Variants in SCN10A observed in about 807,000 individuals in gnomAD.
The protein encoded by SCN10A is sodium voltage-gated channel alpha subunit 10.
A neutral mutation model predicts 170.7 loss-of-function variants in SCN10A; 162 were observed. The ratio of observed to expected loss-of-function variants is 0.95; its 90% CI spans 0.84 to 1.08. The LOEUF (loss-of-function observed/expected upper bound fraction) is 1.08. SCN10A is among the 50% of genes least tolerant of loss of function. SCN10A has a pLI of 0.00. For synonymous variants in SCN10A, 985 were observed against 904.6 expected (o/e 1.09, Z -1.59); for missense variants, 2,527 against 2,436.9 (o/e 1.04, Z -0.78).
intron 1 of SCN10A, among the ~76,000 whole-genome samples, chr3:38,814,431 G>A (rs755408989): frequency 5.9e-5 from 9 of 152,146 alleles, no homozygotes; most frequent in Admixed American, 2.0e-4. Flanking sequence ...GGTCTTAAGA[G>A]CCTTCTTGAC....
In SCN10A at chr3:38,726,851, C is replaced by G. The variant is rs145694222; in HGVS notation, c.2842G>C (p.Val948Leu). The change falls in exon 17 of 28, where the codon GTG (valine) becomes CTG (leucine). Residue 948 changes from valine (V) to leucine (L), a missense_variant. Coordinates refer to ENST00000449082, the MANE Select transcript of SCN10A (RefSeq NM_006514.4). ...FPQPKAEPELVVKLPLSSSKA... is the reference protein window; with the variant it reads ...FPQPKAEPELLVKLPLSSSKA... ...GAGCTGGAGAGTGGGAGTTTCACCA[C>G]CAGCTCAGGCTCTGCCTTGGGCTGG... 8.0e-4 allele frequency: 1,294 copies of G among 1,614,072 alleles called. 1 individual carries two copies. The highest frequency in any genetic ancestry group is 1.1e-3 in the Non-Finnish European group (1,239 of 1,179,932).
intron 5 of SCN10A, among the ~76,000 whole-genome samples, chr3:38,769,785 G>C (rs1288685320): frequency 3.3e-5 from 5 of 152,130 alleles, no homozygotes; most frequent in African/African-American, 1.2e-4. Flanking sequence ...AATCCCCTGG[G>C]GATGGGGCTT....
At chr3:38,742,247 GC>G (rs778135942) in intron 14 of SCN10A, 43 bp downstream of exon 14, 27 of 477,488 alleles carry the variant, frequency 5.7e-5, no homozygotes, top group Middle Eastern at 5.5e-4. Flanking sequence ...TCCCCACCCC[GC>G]CCCGACCACG....
chr3:38,713,728 G>C (rs2063300043), intron 22 of SCN10A, among the ~76,000 whole-genome samples: 1 of 152,122 alleles, frequency 6.6e-6, no homozygotes, highest in Non-Finnish European at 1.5e-5. Flanking sequence ...GTCTCGCTCT[G>C]TCACCCAGGC....
At chr3:38,810,931 CTACACATTTT>C (rs1392209654) in intron 1 of SCN10A, among the ~76,000 whole-genome samples, 1 of 152,250 alleles carries the variant, frequency 6.6e-6, no homozygotes, top group East Asian at 1.9e-4. Context: ...CAATTTTTTT[CTACACATTTT>C]TACACTTATC....
At chr3:38,735,465 G>C (rs1038783599) in intron 15 of SCN10A, among the ~76,000 whole-genome samples, 2 of 152,224 alleles carry the variant, frequency 1.3e-5, no homozygotes, top group African/African-American at 2.4e-5. Flanking sequence ...TAGATCAGAA[G>C]ACTGAATTAT....
intron 15 of SCN10A, among the ~76,000 whole-genome samples, chr3:38,733,264 T>C (rs940692527): frequency 6.6e-6 from 1 of 152,196 alleles, no homozygotes. Context: ...TGAAGTTATA[T>C]TGGCCTCCTT....
intron 5 of SCN10A, among the ~76,000 whole-genome samples, chr3:38,767,501 G>C (rs1282420374): frequency 6.6e-6 from 1 of 151,936 alleles, no homozygotes; most frequent in Middle Eastern, 3.2e-3. Context: ...TTGACCCAAA[G>C]ATCATTCAAG....
chr3:38,792,962 T>C (rs568049189), intron 2 of SCN10A, among the ~76,000 whole-genome samples: 2 of 152,148 alleles, frequency 1.3e-5, no homozygotes, highest in Non-Finnish European at 2.9e-5. Flanking sequence ...TTAATATATA[T>C]GTATATATGC....
intron 20 of SCN10A, 117 bp downstream of exon 20, chr3:38,722,141 G>T (rs928236230): frequency 1.0e-5 from 10 of 995,326 alleles, no homozygotes; most frequent in Non-Finnish European, 1.3e-5. Context: ...CTAGTGACAA[G>T]GTTGGGGACT....
chr3:38,802,870 G>A (rs1443117971), intron 1 of SCN10A, among the ~76,000 whole-genome samples: 4 of 152,056 alleles, frequency 2.6e-5, no homozygotes, highest in Non-Finnish European at 4.4e-5. Flanking sequence ...GCAACCTACA[G>A]AATGGGAGAA....
intron 19 of SCN10A, among the ~76,000 whole-genome samples, chr3:38,722,948 CAAAT>C (rs1264111960): frequency 6.6e-6 from 1 of 152,182 alleles, no homozygotes; most frequent in Non-Finnish European, 1.5e-5. Context: ...ATTCATTGCA[CAAAT>C]ATTTATTGAG....
At position 38,811,107 on chromosome 3, in the gene SCN10A, A is replaced by G. The variant is rs200920200; in HGVS notation, c.-33+4930T>C. ...TTACCAGTTGTGGGACTATTAGAAGATTACTTAACTCCTGTGTGCCTTAGT... is the reference window on the plus strand; with the variant it reads ...TTACCAGTTGTGGGACTATTAGAAGGTTACTTAACTCCTGTGTGCCTTAGT... On this transcript the variant is annotated intron_variant, in intron 1 of 27. Coordinates refer to ENST00000449082, the MANE Select transcript of SCN10A (RefSeq NM_006514.4). 1.7e-3 allele frequency among the ~76,000 whole-genome samples: 266 copies of G among 152,302 alleles called. 2 individuals are homozygous for G. The highest frequency in any genetic ancestry group is 6.1e-3 in the African/African-American group (254 of 41,552).
intron 25 of SCN10A, 131 bp from the exon 26 acceptor site, chr3:38,707,514 A>T: frequency 1.1e-6 from 1 of 872,660 alleles, no homozygotes. Flanking sequence ...CAAGCCCAGC[A>T]TCAAGGAGTG....
At chr3:38,798,611 T>C (rs1559471778) in intron 1 of SCN10A, among the ~76,000 whole-genome samples, 2 of 152,108 alleles carry the variant, frequency 1.3e-5, no homozygotes, top group South Asian at 4.1e-4. Context: ...ATCCAAGAAA[T>C]ATCTATTCTA....
At chr3:38,803,689 A>G (rs1319228985) in intron 1 of SCN10A, among the ~76,000 whole-genome samples, 1 of 151,028 alleles carries the variant, frequency 6.6e-6, no homozygotes, top group Non-Finnish European at 1.5e-5. Context: ...TAGGAGATAT[A>G]CCTAATGTAA....
chr3:38,775,978 G>T (rs189494075), intron 4 of SCN10A, among the ~76,000 whole-genome samples: 1 of 152,070 alleles, frequency 6.6e-6, no homozygotes, highest in African/African-American at 2.4e-5. Context: ...TTTTATACTG[G>T]GAAAGCCTTA....
intron 15 of SCN10A, among the ~76,000 whole-genome samples, chr3:38,735,834 T>C (rs1350452180): frequency 6.6e-6 from 1 of 152,250 alleles, no homozygotes; most frequent in Non-Finnish European, 1.5e-5. Flanking sequence ...TTCCTCTCTT[T>C]CTTTCCTTCC....
intron 26 of SCN10A, among the ~76,000 whole-genome samples, chr3:38,704,311 C>T (rs551577522): frequency 6.6e-6 from 1 of 152,182 alleles, no homozygotes; most frequent in Non-Finnish European, 1.5e-5. Flanking sequence ...AGGGGGATTG[C>T]TGAGCCACTA....
Sources: allele counts gnomAD v4.1 joint callset (sites outside exome capture counted in the v4.1 genomes callset), GRCh38; gene constraint gnomAD v4.1.1; transcripts MANE v1.5; gene names NCBI Gene and HGNC (gene_info 2026-07-23, HGNC 2026-07-21).